The following MRPL37 variants were observed in gnomAD, a reference collection of about 807,000 sequenced individuals.
MRPL37 encodes mitochondrial ribosomal protein L37.
Under a neutral mutation model 44.1 loss-of-function variants are expected in MRPL37, and 34 were observed. The ratio of observed to expected loss-of-function variants is 0.77; its 90% CI spans 0.59 to 1.03. The LOEUF is 1.03. Ranked by LOEUF, MRPL37 falls within the 50% of genes least tolerant of loss-of-function variation. The pLI, the probability that MRPL37 is intolerant of heterozygous loss-of-function variation, is 0.00. For synonymous variants in MRPL37, 212 were observed against 219.5 expected (o/e 0.97, Z 0.30); for missense variants, 532 against 543.7 (o/e 0.98, Z 0.21).
chr1:54,205,507 C>T (rs1008800752), intron 3 of MRPL37, 97 bp downstream of exon 3: 5 of 955,674 alleles, frequency 5.2e-6, no homozygotes, highest in East Asian at 4.9e-5. Flanking sequence ...CCCCAAATAC[C>T]GATCCTTACT....
At chr1:54,225,234 C>T, downstream of MRPL37, 1 of 1,234,346 alleles carries the variant, frequency 8.1e-7, no homozygotes, top group African/African-American at 1.5e-5. Context: ...CCTTCCCTCC[C>T]AACCCACCTT....
At chr1:54,200,855 T>G (rs1427005558) in intron 1 of MRPL37, among the ~76,000 whole-genome samples, 1 of 152,236 alleles carries the variant, frequency 6.6e-6, no homozygotes, top group Non-Finnish European at 1.5e-5. Flanking sequence ...TCTCTTTGAC[T>G]TTGGGCAAAT....
downstream of MRPL37, among the ~76,000 whole-genome samples, chr1:54,224,541 G>C (rs998225593): frequency 1.1e-4 from 17 of 152,202 alleles, no homozygotes; most frequent in Admixed American, 3.3e-4. Context: ...AGGCCACACA[G>C]CAAGTTGCAG....
At chr1:54,203,441 C>T (rs1570137894) in intron 1 of MRPL37, among the ~76,000 whole-genome samples, 2 of 148,324 alleles carry the variant, frequency 1.3e-5, no homozygotes, top group African/African-American at 2.5e-5. Flanking sequence ...AACAAAAATT[C>T]ATGATGTGAG....
rs114929491 is a variant in MRPL37 at position 54,202,939 on chromosome 1, T to C, written c.347-2079T>C. Among the ~76,000 whole-genome samples, 1,301 of 152,324 alleles carry C rather than the reference T, an allele frequency of 8.5e-3. 7 individuals carry two copies. The highest frequency in any genetic ancestry group is 0.015 in the Non-Finnish European group (1,021 of 68,032). On this transcript the variant is annotated intron_variant, in intron 1 of 6. Coordinates refer to ENST00000360840, the MANE Select transcript of MRPL37 (RefSeq NM_016491.4). ...GAAGAATATAGTATTGACTTTTCAT[T>C]TGAAAATAGAGGACTGGTGTGTTTA...
intron 6 of MRPL37, among the ~76,000 whole-genome samples, chr1:54,216,622 TAGGTG>T (rs1557734991): frequency 2.5e-4 from 38 of 152,296 alleles, no homozygotes; most frequent in African/African-American, 8.9e-4. Flanking sequence ...CTGGCCTTTG[TAGGTG>T]CTGCTCCTTT....
At chr1:54,216,411 G>A (rs1052899417) in intron 6 of MRPL37, 67 bp downstream of exon 6, 30 of 1,561,014 alleles carry the variant, frequency 1.9e-5, no homozygotes, top group Non-Finnish European at 2.4e-5. Context: ...GTGAGCCTCA[G>A]GTGGGATTGC....
chr1:54,218,020 C>T (rs1267599483), intron 6 of MRPL37, 152 bp from the exon 7 acceptor site: 2 of 754,262 alleles, frequency 2.7e-6, no homozygotes, highest in Admixed American at 2.1e-5. Context: ...AGGCTACAGC[C>T]CCTCAATGCC....
At chr1:54,212,067 G>C (rs1281688725) in intron 4 of MRPL37, among the ~76,000 whole-genome samples, 1 of 152,244 alleles carries the variant, frequency 6.6e-6, no homozygotes, top group African/African-American at 2.4e-5. Flanking sequence ...AATTACCACA[G>C]ATTTCAAGTT....
At chr1:54,201,274 G>A (rs921472494) in intron 1 of MRPL37, among the ~76,000 whole-genome samples, 1 of 152,090 alleles carries the variant, frequency 6.6e-6, no homozygotes, top group Non-Finnish European at 1.5e-5. Flanking sequence ...AGTGATTAGG[G>A]GGGAAAAAAA....
downstream of MRPL37, among the ~76,000 whole-genome samples, chr1:54,220,097 G>A (rs1315809358): frequency 6.6e-6 from 1 of 152,112 alleles, no homozygotes; most frequent in Non-Finnish European, 1.5e-5. Context: ...TGGGAGTACA[G>A]AGGAGGAGCT....
downstream of MRPL37, chr1:54,220,887 C>T (rs1644229055): frequency 2.2e-6 from 1 of 448,264 alleles, no homozygotes; most frequent in Non-Finnish European, 4.7e-6. Flanking sequence ...GAACGTATTT[C>T]TCACTGTCTC....
chr1:54,225,470 CAT>C, downstream of MRPL37: 1 of 1,186,898 alleles, frequency 8.4e-7, no homozygotes, highest in Non-Finnish European at 1.1e-6. Flanking sequence ...ACGTTATCAA[CAT>C]ATATCGTACA....
Position 54,200,463 on chromosome 1 carries a change from A to T in MRPL37, c.220A>T (p.Ile74Phe). ...CTTCGTGCCCTGGCTGGCGCGGCCG[A>T]TCTTTCCGCCCTGGGACCGCGGCTA... ...MHFVPWLARP[I>F]FPPWDRGYKD... is the part of the protein sequence containing the mutation. The change falls in exon 1 of 7, where the codon ATC becomes TTC. Residue 74 changes from isoleucine (I) to phenylalanine (F), a missense_variant. Coordinates refer to ENST00000360840, the MANE Select transcript of MRPL37 (RefSeq NM_016491.4). 2.5e-6 allele frequency: 4 copies of T among 1,614,168 alleles called. No individual in the cohort carries two copies. Among genetic ancestry groups the T allele is most frequent in the Non-Finnish European group, 3.4e-6 (4 of 1,180,028 alleles).
intron 3 of MRPL37, among the ~76,000 whole-genome samples, chr1:54,206,348 C>A (rs930620330): frequency 4.0e-5 from 6 of 151,532 alleles, no homozygotes; most frequent in African/African-American, 9.7e-5. Flanking sequence ...TCCTGACCTC[C>A]TGATCCGCCT....
At chr1:54,204,734 CAGAGGTCTT>C (rs776947286) in intron 1 of MRPL37, among the ~76,000 whole-genome samples, 4 of 152,232 alleles carry the variant, frequency 2.6e-5, no homozygotes, top group Non-Finnish European at 5.9e-5. Context: ...CATATTATCT[CAGAGGTCTT>C]AGCCACTGTG....
downstream of MRPL37, chr1:54,220,975 T>C (rs1401437649): frequency 1.1e-5 from 4 of 374,698 alleles, no homozygotes; most frequent in African/African-American, 6.4e-5. Flanking sequence ...AAGGGAATTC[T>C]AATTTGGCCT....
intron 3 of MRPL37, among the ~76,000 whole-genome samples, chr1:54,206,404 G>A (rs550072136): frequency 3.3e-4 from 50 of 149,310 alleles, no homozygotes; most frequent in Admixed American, 5.4e-4. Context: ...GAGCCACAAC[G>A]CCCGGCCTGT....
At chr1:54,223,180 T>C (rs1644247549), downstream of MRPL37, among the ~76,000 whole-genome samples, 1 of 152,118 alleles carries the variant, frequency 6.6e-6, no homozygotes, top group Admixed American at 6.5e-5. Context: ...CAGCCCCAAC[T>C]CCAAGCCCCC....
Sources: allele counts gnomAD v4.1 joint callset (sites outside exome capture counted in the v4.1 genomes callset), GRCh38; gene constraint gnomAD v4.1.1; transcripts MANE v1.5; gene names NCBI Gene and HGNC (gene_info 2026-07-23, HGNC 2026-07-21).